The following NAA11 variants were observed in gnomAD, a reference collection of about 807,000 sequenced individuals.
The protein encoded by NAA11 is N-alpha-acetyltransferase 11.
A neutral mutation model predicts 16.1 loss-of-function variants in NAA11; 15 were observed. The ratio of observed to expected loss-of-function variants is 0.93; its 90% CI spans 0.62 to 1.44. The LOEUF (loss-of-function observed/expected upper bound fraction) is 1.44. Among genes scored for constraint, NAA11 ranks in the 40% most tolerant of loss-of-function variants. The pLI, the probability that NAA11 is intolerant of heterozygous loss-of-function variation, is 0.00. For synonymous variants in NAA11, 122 were observed against 112.4 expected, an observed-to-expected ratio of 1.09 and a Z score of -0.54; for missense variants, 298 against 291.3, an observed-to-expected ratio of 1.02 and a Z score of -0.17.
At chr4:79,162,799 A>C in the NAA11 span, among the ~76,000 whole-genome samples, 1 of 152,224 alleles carries the variant, frequency 6.6e-6, no homozygotes, top group Non-Finnish European at 1.5e-5. Context: ...ATATCCAAAG[A>C]GCTGGAATAC....
At chr4:79,175,743 TAAAAAAA>T in the NAA11 span, among the ~76,000 whole-genome samples, 2 of 123,502 alleles carry the variant, frequency 1.6e-5, no homozygotes, top group African/African-American at 6.2e-5. Flanking sequence ...GTAATCACTG[TAAAAAAA>T]AAAAAAAAAA....
intron 2 of NAA11, among the ~76,000 whole-genome samples, chr4:79,235,630 G>A (rs760683986): frequency 6.6e-6 from 1 of 152,104 alleles, no homozygotes; most frequent in Admixed American, 6.6e-5. Context: ...CTGTTAACAG[G>A]ATAGTTACTG....
the NAA11 span, among the ~76,000 whole-genome samples, chr4:79,169,811 A>G: frequency 6.6e-6 from 1 of 152,182 alleles, no homozygotes; most frequent in Admixed American, 6.5e-5. Flanking sequence ...ATCTGCTCCC[A>G]TGATCCAATC....
chr4:79,324,043 T>C (rs1724183049), intron 1 of NAA11, among the ~76,000 whole-genome samples: 2 of 151,884 alleles, frequency 1.3e-5, no homozygotes, highest in Non-Finnish European at 2.9e-5. Context: ...TTTGGCTCTT[T>C]AACTTTTCAT....
intron 1 of NAA11, among the ~76,000 whole-genome samples, chr4:79,319,058 C>T (rs1724014869): frequency 6.6e-6 from 1 of 152,142 alleles, no homozygotes. Context: ...GCTAGGACTA[C>T]AAGCACGCAC....
intron 1 of NAA11, among the ~76,000 whole-genome samples, chr4:79,323,591 C>T (rs1009649325): frequency 2.0e-5 from 3 of 152,086 alleles, no homozygotes; most frequent in Non-Finnish European, 2.9e-5. Context: ...GAGGCCGAGG[C>T]GGACGCATCA....
the NAA11 span, among the ~76,000 whole-genome samples, chr4:79,206,518 C>G: frequency 6.6e-6 from 1 of 152,096 alleles, no homozygotes; most frequent in African/African-American, 2.4e-5. Context: ...ACAATTTAGC[C>G]TAAATATTTG....
intron 1 of NAA11, among the ~76,000 whole-genome samples, chr4:79,296,677 G>A (rs965003317): frequency 1.3e-5 from 2 of 152,128 alleles, no homozygotes; most frequent in African/African-American, 4.8e-5. Flanking sequence ...CTGAACTCTT[G>A]TGTCTGGCAT....
intron 2 of NAA11, among the ~76,000 whole-genome samples, chr4:79,282,226 T>G (rs1014081103): frequency 6.6e-6 from 1 of 151,902 alleles, no homozygotes; most frequent in African/African-American, 2.4e-5. Flanking sequence ...TATAAAGAGG[T>G]GAAGGCAGAG....
chr4:79,212,733 T>C, the NAA11 span, among the ~76,000 whole-genome samples: 18,037 of 152,004 alleles, frequency 0.12, 1,304 homozygotes, highest in African/African-American at 0.19. Flanking sequence ...ATTTTATTAT[T>C]AGTTATTGTT....
At chr4:79,231,792 A>G (rs997178672) in intron 2 of NAA11, among the ~76,000 whole-genome samples, 10 of 151,806 alleles carry the variant, frequency 6.6e-5, no homozygotes, top group Non-Finnish European at 2.9e-5. Flanking sequence ...AGTTTACAGG[A>G]AATACAAGGC....
At chr4:79,265,057 A>AT (rs1722314522) in intron 2 of NAA11, among the ~76,000 whole-genome samples, 1 of 152,030 alleles carries the variant, frequency 6.6e-6, no homozygotes, top group Admixed American at 6.6e-5. Flanking sequence ...TCCTTTTACA[A>AT]TTTTCCCTAT....
At chr4:79,311,755 G>A (rs762237022), downstream of NAA11, among the ~76,000 whole-genome samples, 1 of 152,116 alleles carries the variant, frequency 6.6e-6, no homozygotes, top group African/African-American at 2.4e-5. Context: ...AAGCTGTGAC[G>A]TTTCAGCTTA....
intron 1 of NAA11, among the ~76,000 whole-genome samples, chr4:79,303,073 C>CA (rs1723442446): frequency 2.9e-5 from 2 of 67,968 alleles, no homozygotes; most frequent in African/African-American, 7.9e-5. Context: ...CTCTTGAGGC[C>CA]TTTTATATAT....
chr4:79,196,955 C>CAAAAAAAA, the NAA11 span, among the ~76,000 whole-genome samples: 342 of 86,198 alleles, frequency 4.0e-3, 1 homozygote, highest in African/African-American at 7.4e-3. Flanking sequence ...ATGAAAAAGA[C>CAAAAAAAA]AAAAAAAAAA....
chr4:79,216,526 G>C, the NAA11 span, among the ~76,000 whole-genome samples: 1 of 151,984 alleles, frequency 6.6e-6, no homozygotes, highest in Non-Finnish European at 1.5e-5. Flanking sequence ...GACTGAAATG[G>C]TATTATATAC....
At chr4:79,283,829 A>G (rs1225767140) in intron 2 of NAA11, among the ~76,000 whole-genome samples, 1 of 152,144 alleles carries the variant, frequency 6.6e-6, no homozygotes, top group Non-Finnish European at 1.5e-5. Context: ...AATTGGTTAT[A>G]GTGGTATGCT....
intron 2 of NAA11, among the ~76,000 whole-genome samples, chr4:79,260,416 T>A (rs1722222290): frequency 6.6e-6 from 1 of 152,218 alleles, no homozygotes; most frequent in South Asian, 2.1e-4. Flanking sequence ...TAAATCAGTT[T>A]CCAGATTATC....
At chr4:79,179,171 AT>A in the NAA11 span, among the ~76,000 whole-genome samples, 1 of 152,072 alleles carries the variant, frequency 6.6e-6, no homozygotes, top group Non-Finnish European at 1.5e-5. Context: ...GTATTTTGTT[AT>A]TTTTTGACGT....
Sources: gnomAD v4.1 joint callset for allele counts (sites outside exome capture counted in the v4.1 genomes callset) on GRCh38, gnomAD v4.1.1 for gene constraint, MANE v1.5 for transcripts, NCBI Gene and HGNC (gene_info 2026-07-23, HGNC 2026-07-21) for gene names.